Variants in OR51G1 observed in about 807,000 individuals in gnomAD.
OR51G1 encodes the protein olfactory receptor 51G1.
For synonymous variants in OR51G1, 163 were observed against 156.9 expected (o/e 1.04, Z -0.29); for missense variants, 454 against 396.0 (o/e 1.15, Z -1.24).
chr11:4,924,084 T>A lies in OR51G1; in HGVS notation c.256A>T (p.Ile86Phe), dbSNP rs762060253. Residue 86 changes from isoleucine (I) to phenylalanine (F), a missense_variant, in exon 1 of 1, where the codon ATT becomes TTT. Coordinates refer to ENST00000623849, the MANE Select transcript of OR51G1 (RefSeq NM_001005237.1). Reference protein sequence around the residue: ...CLSTLPTVLGIFWFDTREIGI... With the variant: ...CLSTLPTVLGFFWFDTREIGI... ...ATCTCTCTGGTATCAAACCAGAAAATGCCCAGCACAGTGGGCAGTGTGGAA... is the reference window on the plus strand; with the variant it reads ...ATCTCTCTGGTATCAAACCAGAAAAAGCCCAGCACAGTGGGCAGTGTGGAA... 4 of 1,614,018 alleles carry A rather than the reference T, an allele frequency of 2.5e-6. No homozygotes were observed. In the South Asian group the frequency reaches 4.4e-5, roughly 18 times the overall value.
At position 4,924,061 on chromosome 11, in the gene OR51G1, C is replaced by T. The variant is rs780432992; in HGVS notation, c.279G>A (p.Glu93=). ...GAGTGAAACAGGCAGGGATGCCAAT[C>T]TCTCTGGTATCAAACCAGAAAATGC... ...VLGIFWFDTR[E]IGIPACFTQL... Residue 93 remains glutamate (E), a synonymous_variant, in exon 1 of 1, where the codon GAG becomes GAA. Coordinates refer to ENST00000623849, the MANE Select transcript of OR51G1 (RefSeq NM_001005237.1). The T allele has an allele frequency of 5.6e-6, 9 of 1,614,160 alleles. No individual in the cohort carries two copies. The highest frequency in any genetic ancestry group is 7.6e-6 in the Non-Finnish European group (9 of 1,180,030).
In OR51G1 at chr11:4,923,674, G is replaced by A; in HGVS notation, c.666C>T (p.Leu222=). ...DSLLIFLSYA[L]ILRTVLSIAS... ...CAATGCTGAGCACGGTGCGAAGGAT[G>A]AGGGCGTATGAGAGAAAGATGAGCA... The change falls in exon 1 of 1, where the codon CTC becomes CTT. Residue 222 remains leucine (L), a synonymous_variant. Transcript: ENST00000623849. The A allele has an allele frequency of 6.2e-7, 1 of 1,614,018 alleles. No homozygotes were observed. Among genetic ancestry groups the A allele is most frequent in the African/African-American group, 1.3e-5 (1 of 75,034 alleles).
In OR51G1 at chr11:4,923,411, T is replaced by G. The variant is rs771123878; in HGVS notation, c.929A>C (p.Gln310Pro). Residue 310 changes from glutamine to proline, a missense_variant, in exon 1 of 1, where the codon CAG (glutamine) becomes CCG (proline). Transcript: ENST00000623849. Reference protein sequence around the residue: ...QIRQRIIKKFQFIKSLRCFWK... With the variant: ...QIRQRIIKKFPFIKSLRCFWK... Reference sequence around the variant, plus strand: ...AAAACACCTAAGTGACTTTATAAACTGAAACTTCTTAATGATGCGCTGGCG... The same window carrying G: ...AAAACACCTAAGTGACTTTATAAACGGAAACTTCTTAATGATGCGCTGGCG... 55 of 1,577,144 alleles carry G rather than the reference T, an allele frequency of 3.5e-5. No homozygotes were observed. Among genetic ancestry groups the G allele is most frequent in the African/African-American group, 5.4e-5 (4 of 73,774 alleles).
In OR51G1 at chr11:4,923,535, G is replaced by A. The variant is rs770029355; in HGVS notation, c.805C>T (p.His269Tyr). The change falls in exon 1 of 1, where the codon CAT (histidine) becomes TAT (tyrosine). Residue 269 changes from histidine (H) to tyrosine (Y), a missense_variant. His to Tyr is a moderately conservative substitution (Grantham distance 83). Transcript: ENST00000623849. The part of the protein sequence containing the change: ...GLSLVHRFGE[H>Y]LPRVVHLFMS... ...AAGAGGTGTACAACGCGGGGCAGAT[G>A]TTCACCAAAGCGATGCACAAGAGAC... 6.2e-7 allele frequency: 1 copy of A among 1,614,144 alleles called. No individual in the cohort carries two copies. The highest frequency in any genetic ancestry group is 1.7e-5 in the Admixed American group (1 of 60,016).
chr11:4,923,704 G>A lies in OR51G1; in HGVS notation c.636C>T (p.Asp212=). 6.2e-7 allele frequency: 1 copy of A among 1,614,056 alleles called. No homozygotes were observed. Among genetic ancestry groups the A allele is most frequent in the Non-Finnish European group, 8.5e-7 (1 of 1,180,014 alleles). ...CGTATGAGAGAAAGATGAGCAGGGA[G>A]TCCACACCCACGGTGCAGGCCACAA... ...LFVVACTVGV[D]SLLIFLSYAL... Residue 212 remains aspartate (D), a synonymous_variant, in exon 1 of 1, where the codon GAC becomes GAT. Coordinates refer to ENST00000623849, the MANE Select transcript of OR51G1 (RefSeq NM_001005237.1).
rs534837298 is a variant in OR51G1 at position 4,923,986 on chromosome 11, T to A, written c.354A>T (p.Leu118Phe). The change falls in exon 1 of 1, where the codon TTA becomes TTT. Residue 118 changes from leucine (L) to phenylalanine (F), a missense_variant. By Grantham distance (22) the Leu-to-Phe change is conservative (BLOSUM62 0). Coordinates refer to ENST00000623849, the MANE Select transcript of OR51G1 (RefSeq NM_001005237.1). ...TLSSMESSVL[L>F]SMSIDRYVAV... is the part of the protein sequence containing the mutation. ...CCACGTAGCGGTCAATGGACATGGA[T>A]AACAGAACTGATGACTCCATTGAAG... 7.1e-5 allele frequency: 115 copies of A among 1,614,068 alleles called. 1 individual carries two copies. The Admixed American group carries it at 1.9e-3, about 27-fold the overall frequency.
rs1037400470 is a variant in OR51G1 at position 4,924,014 on chromosome 11, A to C, written c.326T>G (p.Leu109Trp). Residue 109 changes from leucine (L) to tryptophan (W), a missense_variant, in exon 1 of 1, where the codon TTG becomes TGG. By Grantham distance (61) the Leu-to-Trp change is moderately conservative. Coordinates refer to ENST00000623849, the MANE Select transcript of OR51G1 (RefSeq NM_001005237.1). ...CAGAACTGATGACTCCATTGAAGACAAGGTGTGGATGAAGAAGAGCTGAGT... is the reference window on the plus strand; with the variant it reads ...CAGAACTGATGACTCCATTGAAGACCAGGTGTGGATGAAGAAGAGCTGAGT... Reference protein sequence around the residue: ...CFTQLFFIHTLSSMESSVLLS... With the variant: ...CFTQLFFIHTWSSMESSVLLS... The C allele has an allele frequency of 1.8e-5, 29 of 1,614,038 alleles. No individual in the cohort carries two copies. The highest frequency in any genetic ancestry group is 2.5e-5 in the Non-Finnish European group (29 of 1,180,042).
rs776374475 is a variant in OR51G1, at chr11:4,923,711, C to T, written c.629G>A (p.Gly210Asp). 12 of 1,614,008 alleles carry T rather than the reference C, an allele frequency of 7.4e-6. No individual in the cohort carries two copies. Among genetic ancestry groups the T allele is most frequent in the South Asian group, 1.1e-5 (1 of 91,070 alleles). ...YGLFVVACTVGVDSLLIFLSY... is the reference protein window; with the variant it reads ...YGLFVVACTVDVDSLLIFLSY... ...GAGAAAGATGAGCAGGGAGTCCACA[C>T]CCACGGTGCAGGCCACAACAAAGAG... The change falls in exon 1 of 1, where the codon GGT becomes GAT. Residue 210 changes from glycine (G) to aspartate (D), a missense_variant. Gly to Asp is a moderately conservative substitution (Grantham distance 94, BLOSUM62 -1). Coordinates refer to ENST00000623849, the MANE Select transcript of OR51G1 (RefSeq NM_001005237.1).
chr11:4,923,668 A>G lies in OR51G1; in HGVS notation c.672T>C (p.Leu224=), dbSNP rs756506304. 1.9e-6 allele frequency: 3 copies of G among 1,613,826 alleles called. No individual in the cohort carries two copies. Among genetic ancestry groups the G allele is most frequent in the African/African-American group, 1.3e-5 (1 of 74,888 alleles). The change falls in exon 1 of 1, where the codon CTT becomes CTC. Residue 224 remains leucine (L), a synonymous_variant. Transcript: ENST00000623849. The part of the protein sequence containing the change: ...LLIFLSYALI[L]RTVLSIASHQ... ...GGGAGGCAATGCTGAGCACGGTGCG[A>G]AGGATGAGGGCGTATGAGAGAAAGA... is the stretch of plus-strand genomic sequence containing the variant.
Position 4,923,820 on chromosome 11 carries a change from G to A in OR51G1, c.520C>T (p.His174Tyr). Residue 174 changes from histidine to tyrosine, a missense_variant, in exon 1 of 1, where the codon CAT (histidine) becomes TAT (tyrosine). By Grantham distance (83) the His-to-Tyr change is moderately conservative. Transcript: ENST00000623849. ...AGACAATAAGCATGAGCCAGCACAT[G>A]GGAGTGGCAGTATTGGAAGCGCTTC... is the stretch of plus-strand genomic sequence containing the variant. ...LLKRFQYCHS[H>Y]VLAHAYCLHL... 6.2e-7 allele frequency: 1 copy of A among 1,614,000 alleles called. No individual in the cohort carries two copies. Among genetic ancestry groups the A allele is most frequent in the Non-Finnish European group, 8.5e-7 (1 of 1,180,010 alleles).
Position 4,923,447 on chromosome 11 carries a change from G to A in OR51G1, c.893C>T (p.Thr298Ile), listed in dbSNP as rs755592968. The A allele has an allele frequency of 1.6e-5, 26 of 1,610,016 alleles. No homozygotes were observed. ...LMNPIIYSIKTKQIRQRIIKK... is the reference protein window; with the variant it reads ...LMNPIIYSIKIKQIRQRIIKK... ...AATGATGCGCTGGCGAATTTGCTTG[G>A]TCTTGATGCTGTAGATGATGGGGTT... is the stretch of plus-strand genomic sequence containing the variant. Residue 298 changes from threonine to isoleucine, a missense_variant, in exon 1 of 1, where the codon ACC becomes ATC. By Grantham distance (89) the Thr-to-Ile change is moderately conservative. Transcript: ENST00000623849.
In OR51G1 at chr11:4,923,959, G is replaced by A. The variant is rs757336189; in HGVS notation, c.381C>T (p.Ala127=). The change falls in exon 1 of 1, where the codon GCC becomes GCT. Residue 127 remains alanine (A), a synonymous_variant. Transcript: ENST00000623849. Reference sequence around the variant, plus strand: ...TGGAGTCATGCAGTGGGTTGCAGACGGCCACGTAGCGGTCAATGGACATGG... The same window carrying A: ...TGGAGTCATGCAGTGGGTTGCAGACAGCCACGTAGCGGTCAATGGACATGG... ...LLSMSIDRYV[A]VCNPLHDSTV... 10 of 1,613,992 alleles carry A rather than the reference G, an allele frequency of 6.2e-6. No individual in the cohort carries two copies. Among genetic ancestry groups the A allele is most frequent in the Middle Eastern group, 1.6e-4 (1 of 6,080 alleles).
In OR51G1 at chr11:4,924,056, C is replaced by G. The variant is rs746509500; in HGVS notation, c.284G>C (p.Gly95Ala). 42 of 1,613,932 alleles carry G rather than the reference C, an allele frequency of 2.6e-5. 1 individual carries two copies. The Middle Eastern group carries it at 4.9e-4, about 19-fold the overall frequency. Residue 95 changes from glycine (G) to alanine (A), a missense_variant, in exon 1 of 1, where the codon GGC (glycine) becomes GCC (alanine). Gly to Ala is a moderately conservative substitution (Grantham distance 60). Transcript: ENST00000623849. The part of the protein sequence containing the change: ...GIFWFDTREI[G>A]IPACFTQLFF... Reference sequence around the variant, plus strand: ...GAGCTGAGTGAAACAGGCAGGGATGCCAATCTCTCTGGTATCAAACCAGAA... The same window carrying G: ...GAGCTGAGTGAAACAGGCAGGGATGGCAATCTCTCTGGTATCAAACCAGAA...
Position 4,923,872 on chromosome 11 carries a change from G to T in OR51G1, c.468C>A (p.Leu156=). The change falls in exon 1 of 1, where the codon CTC becomes CTA. Residue 156 remains leucine (L), a synonymous_variant. Coordinates refer to ENST00000623849, the MANE Select transcript of OR51G1 (RefSeq NM_001005237.1). ...GGAGGAATGGCAAGGGGAGGATGAG[G>T]AGAGCACTTCTAAGCACTGAGCTTA... ...MGLSSVLRSA[L]LILPLPFLLK... is the part of the protein sequence containing the mutation. The T allele has an allele frequency of 6.2e-7, 1 of 1,614,020 alleles. No individual in the cohort carries two copies. The highest frequency in any genetic ancestry group is 8.5e-7 in the Non-Finnish European group (1 of 1,180,026).
In OR51G1 at chr11:4,924,139, C is replaced by A. The variant is rs1265825114; in HGVS notation, c.201G>T (p.Met67Ile). ...AAAGGCCTAAGTCTGTGACAGCTAG[C>A]ATGCCCAAGAAATAGTACATGGGTC... Reference protein sequence around the residue: ...LHGPMYYFLGMLAVTDLGLCL... With the variant: ...LHGPMYYFLGILAVTDLGLCL... Residue 67 changes from methionine to isoleucine, a missense_variant, in exon 1 of 1, where the codon ATG (methionine) becomes ATT (isoleucine). Coordinates refer to ENST00000623849, the MANE Select transcript of OR51G1 (RefSeq NM_001005237.1). 1 of 1,614,150 alleles carries A rather than the reference C, an allele frequency of 6.2e-7. No homozygotes were observed. Among genetic ancestry groups the A allele is most frequent in the East Asian group, 2.2e-5 (1 of 44,852 alleles).
rs758867280 is a variant in OR51G1, at chr11:4,924,321, T to C, written c.19A>G (p.Ser7Gly). The C allele has an allele frequency of 3.7e-6, 6 of 1,607,866 alleles. No individual in the cohort carries two copies. Among genetic ancestry groups the C allele is most frequent in the Non-Finnish European group, 4.2e-6 (5 of 1,177,740 alleles). Reference protein sequence around the residue: MTILLNSSLQRATFFLT... With the variant: MTILLNGSLQRATFFLT... ...AAGAAAGTGGCTCTTTGGAGGCTGC[T>C]ATTAAGAAGAATTGTCATAGCTTTA... is the stretch of plus-strand genomic sequence containing the variant. Residue 7 changes from serine to glycine, a missense_variant, in exon 1 of 1, where the codon AGC becomes GGC. Coordinates refer to ENST00000623849, the MANE Select transcript of OR51G1 (RefSeq NM_001005237.1).
chr11:4,923,785 C>T lies in OR51G1; in HGVS notation c.555G>A (p.Glu185=). ...VLAHAYCLHL[E]IMKLACSSII... The stretch of plus-strand genomic sequence containing the variant: ...TGCTAGAGCAGGCCAGCTTCATGAT[C>T]TCCAGGTGAAGACAATAAGCATGAG... The change falls in exon 1 of 1, where the codon GAG becomes GAA. Residue 185 remains glutamate (E), a synonymous_variant. Transcript: ENST00000623849. 6.2e-7 allele frequency: 1 copy of T among 1,614,046 alleles called. No individual in the cohort carries two copies. Among genetic ancestry groups the T allele is most frequent in the Non-Finnish European group, 8.5e-7 (1 of 1,180,018 alleles).
At position 4,924,068 on chromosome 11, in the gene OR51G1, G is replaced by T. The variant is rs768925181; in HGVS notation, c.272C>A (p.Thr91Asn). ...ACAGGCAGGGATGCCAATCTCTCTG[G>T]TATCAAACCAGAAAATGCCCAGCAC... is the stretch of plus-strand genomic sequence containing the variant. ...PTVLGIFWFD[T>N]REIGIPACFT... Residue 91 changes from threonine (T) to asparagine (N), a missense_variant, in exon 1 of 1, where the codon ACC becomes AAC. Physicochemically the swap from Thr to Asn is moderately conservative, Grantham distance 65. Transcript: ENST00000623849. The T allele has an allele frequency of 6.2e-7, 1 of 1,614,020 alleles. No individual in the cohort carries two copies. The highest frequency in any genetic ancestry group is 1.7e-5 in the Admixed American group (1 of 60,012).
In OR51G1 at chr11:4,923,670, G is replaced by T; in HGVS notation, c.670C>A (p.Leu224Ile). Reference protein sequence around the residue: ...LLIFLSYALILRTVLSIASHQ... With the variant: ...LLIFLSYALIIRTVLSIASHQ... ...GAGGCAATGCTGAGCACGGTGCGAA[G>T]GATGAGGGCGTATGAGAGAAAGATG... Residue 224 changes from leucine to isoleucine, a missense_variant, in exon 1 of 1, where the codon CTT becomes ATT. Leu to Ile is a conservative substitution (Grantham distance 5). Transcript: ENST00000623849. 1 of 1,614,028 alleles carries T rather than the reference G, an allele frequency of 6.2e-7. No homozygotes were observed. The highest frequency in any genetic ancestry group is 8.5e-7 in the Non-Finnish European group (1 of 1,179,956).
Sources: allele counts gnomAD v4.1 joint callset, GRCh38; gene constraint gnomAD v4.1.1; transcripts MANE v1.5; gene names NCBI Gene and HGNC (gene_info 2026-07-23, HGNC 2026-07-21).